Variants in SGCZ observed in about 807,000 individuals in gnomAD.
The protein encoded by SGCZ is sarcoglycan zeta, also known as zeta-sarcoglycan.
Under a neutral mutation model 41.3 loss-of-function variants are expected in SGCZ, and 40 were observed. The observed-to-expected ratio is 0.97, with a 90% CI of 0.75 to 1.26. The LOEUF (loss-of-function observed/expected upper bound fraction) is 1.26, where lower values mean the gene tolerates loss of function less well. Ranked by LOEUF, SGCZ falls within the 50% of genes most tolerant of loss-of-function variation. SGCZ has a pLI of 0.00. For missense variants in SGCZ, 552 were observed against 369.8 expected (o/e 1.49, Z -4.04); for synonymous variants, 206 against 137.5 (o/e 1.50, Z -3.49).
At chr8:14,639,747 T>G (rs1404504982) in intron 1 of SGCZ, among the ~76,000 whole-genome samples, 1 of 151,714 alleles carries the variant, frequency 6.6e-6, no homozygotes, top group East Asian at 1.9e-4. Context: ...AAGGACTTTG[T>G]ACTGGAAAAG....
intron 1 of SGCZ, among the ~76,000 whole-genome samples, chr8:15,000,968 C>T (rs1802396842): frequency 6.6e-6 from 1 of 152,158 alleles, no homozygotes; most frequent in Non-Finnish European, 1.5e-5. Flanking sequence ...AGTGTATACT[C>T]AAGACAACAT....
intron 1 of SGCZ, among the ~76,000 whole-genome samples, chr8:14,904,153 A>T (rs1195504512): frequency 6.6e-6 from 1 of 152,050 alleles, no homozygotes; most frequent in East Asian, 1.9e-4. Flanking sequence ...AAAATATAGT[A>T]ATATATACTT....
intron 2 of SGCZ, among the ~76,000 whole-genome samples, chr8:14,356,919 T>G (rs1803317174): frequency 6.6e-6 from 1 of 152,048 alleles, no homozygotes; most frequent in Non-Finnish European, 1.5e-5. Flanking sequence ...TATTATAATT[T>G]TGGCATAAGT....
At chr8:15,223,441 T>TA (rs1354655402) in intron 1 of SGCZ, among the ~76,000 whole-genome samples, 3 of 152,166 alleles carry the variant, frequency 2.0e-5, no homozygotes, top group Non-Finnish European at 4.4e-5. Context: ...AATAACCTTA[T>TA]AAAAAAGCCT....
At chr8:14,241,865 C>A (rs1798904477) in intron 3 of SGCZ, among the ~76,000 whole-genome samples, 1 of 152,126 alleles carries the variant, frequency 6.6e-6, no homozygotes, top group Non-Finnish European at 1.5e-5. Context: ...ATGTTCTTCT[C>A]ATTTTAATAT....
At chr8:14,811,389 C>G (rs1372602940) in intron 1 of SGCZ, among the ~76,000 whole-genome samples, 2 of 151,816 alleles carry the variant, frequency 1.3e-5, no homozygotes, top group East Asian at 3.9e-4. Flanking sequence ...AAGCATTGCT[C>G]TACTCCACTG....
chr8:14,283,414 C>G (rs2116923924), intron 3 of SGCZ, among the ~76,000 whole-genome samples: 1 of 152,236 alleles, frequency 6.6e-6, no homozygotes, highest in African/African-American at 2.4e-5. Flanking sequence ...TCTAATGTTT[C>G]TCGTTCAACA....
intron 1 of SGCZ, among the ~76,000 whole-genome samples, chr8:14,852,160 C>A (rs776499324): frequency 3.3e-5 from 5 of 152,078 alleles, no homozygotes. Flanking sequence ...GCCAAGTCAG[C>A]TCCAGAAATA....
intron 1 of SGCZ, among the ~76,000 whole-genome samples, chr8:15,010,094 C>T (rs550155440): frequency 2.2e-4 from 33 of 152,122 alleles, no homozygotes; most frequent in South Asian, 6.2e-4. Context: ...ATAGTCATCT[C>T]CTAGCAACAG....
chr8:14,977,970 A>T (rs1585431047), intron 1 of SGCZ, among the ~76,000 whole-genome samples: 1 of 151,702 alleles, frequency 6.6e-6, no homozygotes, highest in Non-Finnish European at 1.5e-5. Flanking sequence ...CATAAATTTG[A>T]TTCCATTTCT....
intron 4 of SGCZ, among the ~76,000 whole-genome samples, chr8:14,212,890 T>A (rs1805864331): frequency 6.6e-6 from 1 of 151,802 alleles, no homozygotes; most frequent in African/African-American, 2.4e-5. Context: ...CAAATGAAAC[T>A]TATCAAACTA....
Position 14,090,392 on chromosome 8 carries a change from C to A in SGCZ, c.*51G>T. 6.4e-7 allele frequency: 1 copy of A among 1,566,548 alleles called. No homozygotes were observed. ...AGGGAAACCGAGCAGAACTGTGAAG[C>A]AGACGGACAGGAACAAAAGGCTATT... On this transcript the variant is annotated 3_prime_UTR_variant, in exon 8 of 8. Transcript: ENST00000382080.
intron 1 of SGCZ, among the ~76,000 whole-genome samples, chr8:15,207,576 T>C (rs1192725971): frequency 6.6e-6 from 1 of 152,060 alleles, no homozygotes; most frequent in Non-Finnish European, 1.5e-5. Context: ...ACAATGATCA[T>C]TTTTGCAGTT....
chr8:14,377,569 T>C (rs1020216143), intron 2 of SGCZ, among the ~76,000 whole-genome samples: 1 of 152,066 alleles, frequency 6.6e-6, no homozygotes, highest in African/African-American at 2.4e-5. Flanking sequence ...AGGGTACATG[T>C]GCACATTGTG....
chr8:14,807,412 G>T, intron 1 of SGCZ, among the ~76,000 whole-genome samples: 1 of 152,148 alleles, frequency 6.6e-6, no homozygotes, highest in South Asian at 2.1e-4. Flanking sequence ...GAGCAAAAAT[G>T]ACAGGCATTC....
intron 1 of SGCZ, among the ~76,000 whole-genome samples, chr8:14,636,709 G>A (rs539535025): frequency 6.6e-6 from 1 of 151,842 alleles, no homozygotes; most frequent in East Asian, 2.0e-4. Flanking sequence ...AAGGTAATAT[G>A]AGTATCACAA....
intron 4 of SGCZ, among the ~76,000 whole-genome samples, chr8:14,227,977 TTG>T (rs1806430849): frequency 2.6e-5 from 4 of 152,044 alleles, no homozygotes; most frequent in Admixed American, 6.6e-5. Flanking sequence ...ATTAGTATTG[TTG>T]TGCAGTCATC....
intron 1 of SGCZ, among the ~76,000 whole-genome samples, chr8:14,799,216 T>C (rs533691909): frequency 6.6e-6 from 1 of 152,296 alleles, no homozygotes; most frequent in South Asian, 2.1e-4. Context: ...TTCTTCATCA[T>C]AGTAATTTAA....
chr8:14,331,187 A>T (rs113898591), intron 2 of SGCZ, among the ~76,000 whole-genome samples: 1 of 151,988 alleles, frequency 6.6e-6, no homozygotes, highest in Non-Finnish European at 1.5e-5. Context: ...ATTTTCAATA[A>T]AATAAAAGGA....
Sources: allele counts gnomAD v4.1 joint callset (sites outside exome capture counted in the v4.1 genomes callset), GRCh38; gene constraint gnomAD v4.1.1; transcripts MANE v1.5; gene names NCBI Gene and HGNC (gene_info 2026-07-23, HGNC 2026-07-21).